The following IQGAP2 variants were observed in gnomAD, a reference collection of about 807,000 sequenced individuals.
IQGAP2 encodes ras GTPase-activating-like protein IQGAP2.
Under a neutral mutation model 201.3 loss-of-function variants are expected in IQGAP2, and 173 were observed. The observed-to-expected ratio is 0.86, with a 90% CI of 0.76 to 0.98. IQGAP2 has a LOEUF of 0.98. Among genes scored for constraint, IQGAP2 ranks in the 50% least tolerant of loss-of-function variants. The pLI, the probability that IQGAP2 is intolerant of heterozygous loss-of-function variation, is 0.00. For missense variants in IQGAP2, 1,687 were observed against 1,864.8 expected, an observed-to-expected ratio of 0.90 and a Z score of 1.76; for synonymous variants, 675 against 673.9, an observed-to-expected ratio of 1.00 and a Z score of -0.03.
chr5:76,670,100 C>T (rs554304059), intron 23 of IQGAP2, among the ~76,000 whole-genome samples: 2 of 152,254 alleles, frequency 1.3e-5, no homozygotes, highest in East Asian at 3.9e-4. Flanking sequence ...GCTGTGCATG[C>T]ACGTGAGGTC....
chr5:76,698,106 T>C lies in IQGAP2; in HGVS notation c.4326T>C (p.Tyr1442=), dbSNP rs762369921. 3.7e-6 allele frequency: 6 copies of C among 1,609,764 alleles called. No individual in the cohort carries two copies. The South Asian group carries it at 6.6e-5, about 18-fold the overall frequency. ...TTTATGAAGAGCAAATCAATTATTA[T>C]GACACCTACATAAAGACTTGTTTAG... The part of the protein sequence containing the change: ...AAFYEEQINY[Y]DTYIKTCLDN... Residue 1442 remains tyrosine, a synonymous_variant, in exon 33 of 36, where the codon TAT becomes TAC. Transcript: ENST00000274364.
intron 2 of IQGAP2, among the ~76,000 whole-genome samples, chr5:76,530,955 CTA>C (rs1759255939): frequency 6.6e-6 from 1 of 152,162 alleles, no homozygotes; most frequent in Non-Finnish European, 1.5e-5. Context: ...GTTTTGTGTG[CTA>C]ATGATTAGAA....
At chr5:76,590,935 TA>T (rs1361162430) in intron 8 of IQGAP2, among the ~76,000 whole-genome samples, 3 of 151,688 alleles carry the variant, frequency 2.0e-5, no homozygotes, top group Non-Finnish European at 4.4e-5. Context: ...AAAATAAAAA[TA>T]AAAATAAAAA....
intron 2 of IQGAP2, among the ~76,000 whole-genome samples, chr5:76,500,142 T>C (rs1453734202): frequency 6.6e-6 from 1 of 152,054 alleles, no homozygotes; most frequent in East Asian, 1.9e-4. Flanking sequence ...AAATAAAATC[T>C]ATTGAAAGGG....
chr5:76,674,078 G>A (rs751528449), intron 26 of IQGAP2, 42 bp downstream of exon 26: 61 of 1,104,224 alleles, frequency 5.5e-5, no homozygotes, highest in Non-Finnish European at 7.2e-5. Context: ...TCTCCTGGGG[G>A]TATGAATCAA....
intron 2 of IQGAP2, among the ~76,000 whole-genome samples, chr5:76,515,300 GT>G (rs1758245873): frequency 6.6e-6 from 1 of 152,136 alleles, no homozygotes; most frequent in Non-Finnish European, 1.5e-5. Flanking sequence ...TTTGATCACT[GT>G]TTTACATTCT....
At chr5:76,516,211 A>G (rs75835147) in intron 2 of IQGAP2, among the ~76,000 whole-genome samples, 409 of 152,234 alleles carry the variant, frequency 2.7e-3, no homozygotes, top group African/African-American at 9.5e-3. Context: ...TAGTTTAATA[A>G]TAATATGCAG....
intron 30 of IQGAP2, among the ~76,000 whole-genome samples, chr5:76,685,490 AGATAATCT>A (rs2150519814): frequency 6.6e-6 from 1 of 152,352 alleles, no homozygotes; most frequent in South Asian, 2.1e-4. Context: ...TCAAAGTATC[AGATAATCT>A]GAATATCATA....
chr5:76,418,804 C>T (rs1751557767), intron 1 of IQGAP2, among the ~76,000 whole-genome samples: 1 of 152,094 alleles, frequency 6.6e-6, no homozygotes, highest in Non-Finnish European at 1.5e-5. Context: ...ATGGCTTATT[C>T]TCAGGAAAAG....
At chr5:76,576,416 T>C (rs1025524451) in intron 5 of IQGAP2, among the ~76,000 whole-genome samples, 5 of 152,228 alleles carry the variant, frequency 3.3e-5, no homozygotes, top group African/African-American at 1.2e-4. Context: ...GGAAGAAATG[T>C]GATTTTTAGA....
intron 2 of IQGAP2, among the ~76,000 whole-genome samples, chr5:76,542,149 A>C (rs1742818540): frequency 6.9e-6 from 1 of 144,414 alleles, no homozygotes; most frequent in Non-Finnish European, 1.5e-5. Context: ...ATGCCATACT[A>C]ATTAAAAAAA....
intron 3 of IQGAP2, among the ~76,000 whole-genome samples, chr5:76,565,624 G>A (rs1438502071): frequency 2.0e-5 from 3 of 152,198 alleles, no homozygotes; most frequent in African/African-American, 2.4e-5. Context: ...GGCAGGCACC[G>A]TATGTGCCTC....
chr5:76,565,486 C>T (rs748347469), intron 3 of IQGAP2, among the ~76,000 whole-genome samples: 1 of 152,182 alleles, frequency 6.6e-6, no homozygotes, highest in Non-Finnish European at 1.5e-5. Context: ...TTCAACTTTC[C>T]AGTTATAAGT....
intron 4 of IQGAP2, among the ~76,000 whole-genome samples, chr5:76,572,996 AT>A (rs1284543321): frequency 6.6e-6 from 1 of 152,132 alleles, no homozygotes; most frequent in African/African-American, 2.4e-5. Context: ...TAATCAAACT[AT>A]TTTCTCTTCT....
At chr5:76,551,149 G>C (rs544871067) in intron 2 of IQGAP2, among the ~76,000 whole-genome samples, 1 of 142,198 alleles carries the variant, frequency 7.0e-6, no homozygotes, top group African/African-American at 2.7e-5. Context: ...GGGCAGAGAC[G>C]CTCCTCACCT....
intron 2 of IQGAP2, among the ~76,000 whole-genome samples, chr5:76,474,288 TA>T (rs1234903080): frequency 6.6e-6 from 1 of 152,202 alleles, no homozygotes; most frequent in Non-Finnish European, 1.5e-5. Context: ...TGAGTCTCTA[TA>T]AATCATGTTG....
At chr5:76,568,319 C>T (rs12513400) in intron 3 of IQGAP2, among the ~76,000 whole-genome samples, 10,702 of 152,128 alleles carry the variant, frequency 0.07, 802 homozygotes, top group East Asian at 0.43. Context: ...TAAAGGTAAA[C>T]GAAAGTTCCA....
At position 76,673,514 on chromosome 5, in the gene IQGAP2, A is replaced by G; in HGVS notation, c.3134A>G (p.Glu1045Gly). 1.2e-6 allele frequency: 2 copies of G among 1,614,050 alleles called. No individual in the cohort carries two copies. Among genetic ancestry groups the G allele is most frequent in the Non-Finnish European group, 1.7e-6 (2 of 1,179,912 alleles). The change falls in exon 25 of 36, where the codon GAG becomes GGG. Residue 1045 changes from glutamate (E) to glycine (G), a missense_variant. Glu to Gly is a moderately conservative substitution (Grantham distance 98). Transcript: ENST00000274364. ...TACCCAGAAGTGAAAAATAAACTGG[A>G]GGCTTCCATTGAGAACCTGAGAAGG... ...LTYPEVKNKL[E>G]ASIENLRRVT...
chr5:76,574,263 G>A (rs1047195578), intron 4 of IQGAP2, among the ~76,000 whole-genome samples: 2 of 152,128 alleles, frequency 1.3e-5, no homozygotes, highest in Admixed American at 6.6e-5. Context: ...GAGAAGTTTG[G>A]TGCCTCACTC....
Sources: gnomAD v4.1 joint callset for allele counts (sites outside exome capture counted in the v4.1 genomes callset) on GRCh38, gnomAD v4.1.1 for gene constraint, MANE v1.5 for transcripts, NCBI Gene and HGNC (gene_info 2026-07-23, HGNC 2026-07-21) for gene names.